The following TCF3 variants were observed in gnomAD, a reference collection of about 807,000 sequenced individuals.
TCF3 encodes transcription factor E2-alpha.
In TCF3, 54 loss-of-function variants were observed where a neutral mutation model predicts 72.3. The observed-to-expected ratio is 0.75, with a 90% CI of 0.60 to 0.94. The LOEUF is 0.94. Among genes scored for constraint, TCF3 ranks in the 40% least tolerant of loss-of-function variants. The probability of loss-of-function intolerance (pLI) is 0.00; values close to 1 mark genes in which losing one functional copy is unlikely to be tolerated. For missense variants in TCF3, 1,078 were observed against 934.4 expected (o/e 1.15, Z -2.00); for synonymous variants, 525 against 412.6 (o/e 1.27, Z -3.30).
At chr19:1,639,751 GAAAA>G (rs10674333) in intron 3 of TCF3, among the ~76,000 whole-genome samples, 4 of 54,214 alleles carry the variant, frequency 7.4e-5, no homozygotes, top group Admixed American at 2.2e-4. Flanking sequence ...AGGAAATTAG[GAAAA>G]AAAAAAAAAA....
chr19:1,611,928 G>GT, intron 18 of TCF3, 79 bp from the exon 19 acceptor site: 1 of 216,792 alleles, frequency 4.6e-6, no homozygotes, highest in Non-Finnish European at 8.9e-6. Context: ...GGGGTAGGAT[G>GT]TCGGGGGGGG....
At chr19:1,612,406 C>A (rs2061097358) in intron 18 of TCF3, 1 of 1,613,658 alleles carries the variant, frequency 6.2e-7, no homozygotes, top group African/African-American at 1.3e-5. Flanking sequence ...GGTCTTTCTC[C>A]TCCAGGGACA....
chr19:1,637,556 G>A (rs2064612006), intron 3 of TCF3, among the ~76,000 whole-genome samples: 1 of 152,172 alleles, frequency 6.6e-6, no homozygotes, highest in Non-Finnish European at 1.5e-5. Flanking sequence ...ATGTCTATGG[G>A]CATCACCAGT....
At chr19:1,642,227 G>C (rs564063047) in intron 3 of TCF3, among the ~76,000 whole-genome samples, 14 of 147,930 alleles carry the variant, frequency 9.5e-5, no homozygotes, top group Admixed American at 2.0e-4. Context: ...CAGACGCACA[G>C]ACACGCACGC....
At position 1,618,393 on chromosome 19, in the gene TCF3, A is replaced by C. The variant is rs2061771731; in HGVS notation, c.1450+718T>G. Among the ~76,000 whole-genome samples the C allele has an allele frequency of 2.0e-5, 3 of 152,180 alleles. No homozygotes were observed. In the South Asian group the frequency reaches 6.2e-4, roughly 32 times the overall value. ...CAGCCACCAGAGGGTATCTGTGAGC[A>C]CCTGGGTCAGGTCCCATCCCTCCTC... On this transcript the variant is annotated intron_variant, in intron 16 of 18. Transcript: ENST00000262965.
intron 1 of TCF3, among the ~76,000 whole-genome samples, chr19:1,651,935 A>G (rs1175395148): frequency 6.7e-6 from 1 of 149,138 alleles, no homozygotes; most frequent in Non-Finnish European, 1.5e-5. Context: ...TCTACCCGAG[A>G]AAGGGGGCGC....
chr19:1,649,915 C>T (rs1042481859), intron 2 of TCF3, among the ~76,000 whole-genome samples: 3 of 152,238 alleles, frequency 2.0e-5, no homozygotes, highest in African/African-American at 7.2e-5. Flanking sequence ...GGACCATGCC[C>T]CTGAGGACTC....
chr19:1,623,861 C>T lies in TCF3; in HGVS notation c.549+90G>A, dbSNP rs941205312. The T allele has an allele frequency of 6.6e-6, 9 of 1,372,924 alleles. No individual in the cohort carries two copies. The East Asian group carries it at 7.3e-5, about 11-fold the overall frequency. The allele number at this position is 1,372,924 out of a possible 1,614,324, so 85.0% of individuals were successfully genotyped here. A position where few individuals can be genotyped will look rare whatever the true frequency, so the allele number is the denominator to read the frequency against. ...GGGCCTGTCCACTCAGGGCCCACCC[C>T]GCCATGTGTGTTCCCAAGCTTCGCC... On this transcript the variant is annotated intron_variant, in intron 8 of 18. Transcript: ENST00000262965.
intron 11 of TCF3, 143 bp downstream of exon 11, chr19:1,621,695 G>A (rs1474116237): frequency 1.8e-6 from 2 of 1,137,364 alleles, no homozygotes; most frequent in South Asian, 1.6e-5. Flanking sequence ...GCAGACAGCG[G>A]ACAATGAGAA....
At chr19:1,645,110 G>A (rs1163108315) in intron 3 of TCF3, among the ~76,000 whole-genome samples, 2 of 151,968 alleles carry the variant, frequency 1.3e-5, no homozygotes, top group African/African-American at 4.8e-5. Flanking sequence ...TCCATGTGGG[G>A]GTGCAAGTGC....
intron 3 of TCF3, among the ~76,000 whole-genome samples, chr19:1,642,625 G>A (rs1600063845): frequency 1.3e-5 from 2 of 152,162 alleles, no homozygotes; most frequent in East Asian, 1.9e-4. Flanking sequence ...GCAGGTGAAA[G>A]GACACGATCT....
Position 1,619,222 on chromosome 19 carries a change from G to A in TCF3, c.1339C>T (p.His447Tyr), listed in dbSNP as rs745893992. The change falls in exon 16 of 19, where the codon CAC becomes TAC. Residue 447 changes from histidine to tyrosine, a missense_variant. His to Tyr is a moderately conservative substitution (Grantham distance 83, BLOSUM62 2). Coordinates refer to ENST00000262965, the MANE Select transcript of TCF3 (RefSeq NM_003200.5). ...GRHAGLVGGS[H>Y]PEDGLAGSTS... is the part of the protein sequence containing the mutation. ...CTGCCTGCGAGGCCGTCCTCGGGGT[G>A]GCTGCCTCCAACCTGCAGGCGTGGG... 3 of 1,596,230 alleles carry A rather than the reference G, an allele frequency of 1.9e-6. No homozygotes were observed. Among genetic ancestry groups the A allele is most frequent in the Non-Finnish European group, 1.7e-6 (2 of 1,177,902 alleles).
chr19:1,615,590 G>A lies in TCF3; in HGVS notation c.1587-70C>T, dbSNP rs773682182. 223 of 1,606,316 alleles carry A rather than the reference G, an allele frequency of 1.4e-4. No homozygotes were observed. In the South Asian group the frequency reaches 2.2e-3, roughly 16 times the overall value. On this transcript the variant is annotated intron_variant, in intron 17 of 18. Transcript: ENST00000262965. This position sits in a 1 kb window ranked among gnomAD's most constrained non-coding sequence, Gnocchi z 7.3. ...TTGGGGGAAGAGCGTGGGGCCCGCC[G>A]ACGGCCTCCCAGTGTGGGTGCGGTG...
rs774321207 is a variant in TCF3 at position 1,611,118 on chromosome 19, A to G, written c.*589T>C. The G allele has an allele frequency of 4.7e-5, 11 of 234,234 alleles. No homozygotes were observed. The highest frequency in any genetic ancestry group is 2.3e-4 in the Admixed American group (4 of 17,756). The allele number at this position is 234,234 out of a possible 1,614,324, so 14.5% of individuals were successfully genotyped here. On this transcript the variant is annotated 3_prime_UTR_variant, in exon 19 of 19. Transcript: ENST00000262965. ...CAAAAAAAGCTTAAAAAAACCAGAG[A>G]CCAAAGGCAGCATCCTTGCTAATTT...
chr19:1,649,130 G>A (rs965114284), intron 2 of TCF3, among the ~76,000 whole-genome samples: 10 of 152,170 alleles, frequency 6.6e-5, no homozygotes, highest in African/African-American at 2.4e-4. Context: ...AAGCCGCCCC[G>A]CCCTCCCCAC....
intron 5 of TCF3, among the ~76,000 whole-genome samples, chr19:1,630,128 G>A (rs923914510): frequency 3.9e-5 from 6 of 152,192 alleles, no homozygotes; most frequent in East Asian, 1.9e-4. Context: ...ATTGCTGGCC[G>A]GGCCGTGGGA....
At chr19:1,627,173 C>T (rs1227743406) in intron 6 of TCF3, among the ~76,000 whole-genome samples, 186 bp downstream of exon 6, 1 of 152,200 alleles carries the variant, frequency 6.6e-6, no homozygotes, top group Non-Finnish European at 1.5e-5. Context: ...CCCTGGTCCT[C>T]ACCTACCTCC....
At chr19:1,644,357 C>CG (rs1404967933) in intron 3 of TCF3, among the ~76,000 whole-genome samples, 5 of 150,844 alleles carry the variant, frequency 3.3e-5, no homozygotes, top group Non-Finnish European at 5.9e-5. Context: ...CCACCACCCC[C>CG]GGGCTCAGGC....
chr19:1,619,276 C>T, intron 15 of TCF3, 40 bp downstream of exon 15: 1 of 1,570,000 alleles, frequency 6.4e-7, no homozygotes, highest in Non-Finnish European at 8.6e-7. Context: ...GGAGCCGGGT[C>T]CCCGCCCACT....
Sources: gnomAD v4.1 joint callset for allele counts (sites outside exome capture counted in the v4.1 genomes callset) on GRCh38, gnomAD v4.1.1 for gene constraint, Gnocchi (gnomAD v3.1) non-coding constraint, MANE v1.5 for transcripts, NCBI Gene and HGNC (gene_info 2026-07-23, HGNC 2026-07-21) for gene names.